The following SUFU variants were observed in gnomAD, a reference collection of about 807,000 sequenced individuals.
SUFU encodes the protein suppressor of fused homolog.
A neutral mutation model predicts 58.9 loss-of-function variants in SUFU; 7 were observed. That is an observed-to-expected ratio of 0.12 (90% CI 0.07 to 0.22). The LOEUF is 0.22. Ranked by LOEUF, SUFU falls within the 10% of genes least tolerant of loss-of-function variation. The probability of loss-of-function intolerance (pLI) is 1.00; values close to 1 mark genes in which losing one functional copy is unlikely to be tolerated. For missense variants in SUFU, 451 were observed against 641.3 expected (o/e 0.70, Z 3.20); for synonymous variants, 232 against 254.8 (o/e 0.91, Z 0.85).
In SUFU at chr10:102,627,228, G is replaced by C. The variant is rs2135954349; in HGVS notation, c.1350G>C (p.Leu450Phe). 2 of 1,614,216 alleles carry C rather than the reference G, an allele frequency of 1.2e-6. No individual in the cohort carries two copies. Among genetic ancestry groups the C allele is most frequent in the African/African-American group, 1.3e-5 (1 of 75,064 alleles). ...VEKMLEDLED[L>F]TSPEEFKLPK... ...AAATGTTGGAGGATTTAGAAGATTT[G>C]ACTTCTCCAGAGGAAGTAAGCTTGT... The change falls in exon 11 of 12, where the codon TTG becomes TTC. Residue 450 changes from leucine to phenylalanine, a missense_variant. Coordinates refer to ENST00000369902, the MANE Select transcript of SUFU (RefSeq NM_016169.4).
chr10:102,512,391 G>T (rs1224425961), intron 2 of SUFU, among the ~76,000 whole-genome samples: 3 of 152,166 alleles, frequency 2.0e-5, no homozygotes, highest in Non-Finnish European at 2.9e-5. Flanking sequence ...ATTTATTCTG[G>T]TTAAAAGAAT....
At chr10:102,618,783 C>A in intron 10 of SUFU, 1 of 516,778 alleles carries the variant, frequency 1.9e-6, no homozygotes, top group Non-Finnish European at 3.4e-6. Context: ...TTCCCTACCC[C>A]CAGCCATGTC....
intron 3 of SUFU, chr10:102,573,207 T>C: frequency 1.4e-6 from 1 of 740,220 alleles, no homozygotes; most frequent in South Asian, 1.4e-5. Flanking sequence ...GGAGCTTCCT[T>C]CTTTGCTTTC....
intron 2 of SUFU, among the ~76,000 whole-genome samples, chr10:102,527,404 T>A (rs1377034140): frequency 6.6e-6 from 1 of 152,060 alleles, no homozygotes; most frequent in African/African-American, 2.4e-5. Flanking sequence ...GGACCTCAGC[T>A]TTAGTATGAA....
At chr10:102,548,301 A>G (rs1461786460) in intron 2 of SUFU, among the ~76,000 whole-genome samples, 1 of 152,228 alleles carries the variant, frequency 6.6e-6, no homozygotes, top group Non-Finnish European at 1.5e-5. Flanking sequence ...TGCAAAGTGC[A>G]GGAGGTCTGG....
chr10:102,533,926 T>C (rs1248727519), intron 2 of SUFU, among the ~76,000 whole-genome samples: 1 of 139,110 alleles, frequency 7.2e-6, no homozygotes, highest in East Asian at 1.9e-4. Flanking sequence ...GTGGTGCTCT[T>C]CTTCAAGCTA....
intron 3 of SUFU, chr10:102,591,044 GGTGTGTCTGT>G (rs2063395363): frequency 6.6e-6 from 1 of 152,132 alleles, no homozygotes; most frequent in African/African-American, 2.4e-5. Context: ...GGATGGAAAA[GGTGTGTCTGT>G]GTGTGTATGT....
At chr10:102,571,216 A>C (rs965508939) in intron 3 of SUFU, among the ~76,000 whole-genome samples, 3 of 152,216 alleles carry the variant, frequency 2.0e-5, no homozygotes, top group Non-Finnish European at 4.4e-5. Context: ...CCATGACCTG[A>C]TAGAAGAAAA....
intron 10 of SUFU, chr10:102,618,981 A>AGTGTGTGTGTGTGTGTGTGTG (rs1384030328): frequency 6.6e-6 from 5 of 762,170 alleles, no homozygotes; most frequent in African/African-American, 5.8e-5. Context: ...TGTGTGTGTA[A>AGTGTGTGTGTGTGTGTGTGTG]TGTTCAAGCA....
chr10:102,506,484 T>C (rs1564655808), intron 1 of SUFU, among the ~76,000 whole-genome samples: 1 of 152,178 alleles, frequency 6.6e-6, no homozygotes, highest in Non-Finnish European at 1.5e-5. Context: ...TTTCAAGCGA[T>C]TCTCGTGCCT....
Position 102,599,540 on chromosome 10 carries a change from GC to G in SUFU, c.1022del (p.Pro341ArgfsTer20). 6.2e-7 allele frequency: 1 copy of G among 1,614,014 alleles called. No individual in the cohort carries two copies. Among genetic ancestry groups the G allele is most frequent in the Non-Finnish European group, 8.5e-7 (1 of 1,179,918 alleles). The stretch of plus-strand genomic sequence containing the variant: ...GCAGAATGGCCTCGCCCACGACCGG[GC>G]CCCGTAAGTTCCCCAGTGTCCCTGG... ...QRQNGLAHDRAPSRKDSLESD... is the reference protein window; with the variant it reads ...QRQNGLAHDRXPSRKDSLESD... On this transcript the variant is annotated frameshift_variant, in exon 8 of 12. Coordinates refer to ENST00000369902, the MANE Select transcript of SUFU (RefSeq NM_016169.4). LOFTEE classifies it high-confidence loss of function.
intron 2 of SUFU, among the ~76,000 whole-genome samples, chr10:102,544,090 C>A (rs1013227773): frequency 6.6e-6 from 1 of 152,046 alleles, no homozygotes; most frequent in Non-Finnish European, 1.5e-5. Flanking sequence ...CAGAGTGAGA[C>A]CCTGTCTCAC....
intron 10 of SUFU, chr10:102,618,981 A>AGTGTGTGTGTGTGTGTGTGTGTGTGTG: frequency 1.3e-6 from 1 of 762,178 alleles, no homozygotes; most frequent in Non-Finnish European, 2.1e-6. Flanking sequence ...TGTGTGTGTA[A>AGTGTGTGTGTGTGTGTGTGTGTGTGTG]TGTTCAAGCA....
At chr10:102,604,685 C>G (rs1214068011) in intron 8 of SUFU, among the ~76,000 whole-genome samples, 5 of 152,162 alleles carry the variant, frequency 3.3e-5, no homozygotes, top group Non-Finnish European at 7.3e-5. Flanking sequence ...AGCTGGGGTT[C>G]TGGCTAGAGT....
At chr10:102,534,100 G>A (rs141366323) in intron 2 of SUFU, among the ~76,000 whole-genome samples, 1 of 152,306 alleles carries the variant, frequency 6.6e-6, no homozygotes, top group East Asian at 1.9e-4. Flanking sequence ...AGGAGACCGT[G>A]TGGTGAGGAG....
chr10:102,601,307 T>G (rs1268245282), intron 8 of SUFU, among the ~76,000 whole-genome samples: 1 of 152,158 alleles, frequency 6.6e-6, no homozygotes, highest in Non-Finnish European at 1.5e-5. Context: ...CTCCTAGATA[T>G]ACACATAAGC....
At chr10:102,593,002 C>T (rs1231988608) in intron 4 of SUFU, among the ~76,000 whole-genome samples, 4 of 152,150 alleles carry the variant, frequency 2.6e-5, no homozygotes, top group Admixed American at 2.0e-4. Flanking sequence ...ACAGTGAAGA[C>T]CCAGTCTCAG....
intron 10 of SUFU, among the ~76,000 whole-genome samples, chr10:102,622,512 G>A (rs879404851): frequency 2.6e-5 from 4 of 152,198 alleles, no homozygotes; most frequent in Admixed American, 6.5e-5. Context: ...GGAGGCCGAG[G>A]CGGGCGGATC....
Position 102,599,496 on chromosome 10 carries a change from C to T in SUFU, c.974C>T (p.Pro325Leu), listed in dbSNP as rs2135888846. The T allele has an allele frequency of 1.2e-6, 2 of 1,614,218 alleles. No individual in the cohort carries two copies. The highest frequency in any genetic ancestry group is 1.6e-4 in the Middle Eastern group (1 of 6,062). Residue 325 changes from proline to leucine, a missense_variant, in exon 8 of 12, where the codon CCA (proline) becomes CTA (leucine). Pro to Leu is a moderately conservative substitution (Grantham distance 98). Coordinates refer to ENST00000369902, the MANE Select transcript of SUFU (RefSeq NM_016169.4). ...GAGATCAACAGCAAACCTGTCCTTC[C>T]ACCAATCAACCCTCAGCGGCAGAAT... Reference protein sequence around the residue: ...GLEINSKPVLPPINPQRQNGL... With the variant: ...GLEINSKPVLLPINPQRQNGL...
Sources: allele counts gnomAD v4.1 joint callset (sites outside exome capture counted in the v4.1 genomes callset), GRCh38; gene constraint gnomAD v4.1.1; transcripts MANE v1.5; gene names NCBI Gene and HGNC (gene_info 2026-07-23, HGNC 2026-07-21).